Variants in NOP58 observed in about 807,000 individuals in gnomAD.
NOP58 encodes the protein nucleolar protein 58.
Under a neutral mutation model 71.2 loss-of-function variants are expected in NOP58, and 44 were observed. The observed-to-expected ratio is 0.62, with a 90% confidence interval of 0.49 to 0.79. NOP58 has a LOEUF of 0.79. Among genes scored for constraint, NOP58 ranks in the 30% least tolerant of loss-of-function variants. The pLI is 0.00. For synonymous variants in NOP58, 228 were observed against 200.3 expected (o/e 1.14, Z -1.17); for missense variants, 538 against 620.2 (o/e 0.87, Z 1.41).
At chr2:202,272,638 A>G (rs1334992303) in intron 1 of NOP58, among the ~76,000 whole-genome samples, 4 of 152,216 alleles carry the variant, frequency 2.6e-5, no homozygotes, top group Non-Finnish European at 1.5e-5. Flanking sequence ...CACCTCACCA[A>G]GTCTCATGAC....
chr2:202,297,319 C>T, intron 10 of NOP58, 60 bp from the exon 11 acceptor site: 1 of 1,447,928 alleles, frequency 6.9e-7, no homozygotes, highest in Non-Finnish European at 9.5e-7. Flanking sequence ...TTAAAACATC[C>T]AAGTTATTGA....
Position 202,300,246 on chromosome 2 carries a change from T to G in NOP58, c.1281T>G (p.Thr427=). The change falls in exon 13 of 15, where the codon ACT becomes ACG. Residue 427 remains threonine (T), a synonymous_variant. Coordinates refer to ENST00000264279, the MANE Select transcript of NOP58 (RefSeq NM_015934.5). Reference sequence around the variant, plus strand: ...TTGGGTCTTTCAGTGAAGTGAAGACTTACGATCCTTCTGGTGACTCCACAC... The same window carrying G: ...TTGGGTCTTTCAGTGAAGTGAAGACGTACGATCCTTCTGGTGACTCCACAC... ...EKYEHKSEVK[T]YDPSGDSTLP... The G allele has an allele frequency of 6.3e-7, 1 of 1,587,262 alleles. No individual in the cohort carries two copies.
At chr2:202,297,675 G>T (rs1166952910) in intron 11 of NOP58, among the ~76,000 whole-genome samples, 162 bp downstream of exon 11, 1 of 152,144 alleles carries the variant, frequency 6.6e-6, no homozygotes, top group Non-Finnish European at 1.5e-5. Context: ...TATTTACCAA[G>T]AATTGATGTA....
At chr2:202,276,409 A>G (rs1178356676) in intron 2 of NOP58, 2 of 491,202 alleles carry the variant, frequency 4.1e-6, no homozygotes, top group South Asian at 1.5e-5. Flanking sequence ...AAAGGGTTAT[A>G]TGCTTTGTTG....
rs1349406081 is a variant in NOP58, at chr2:202,303,392, G to A, written c.1546G>A (p.Glu516Lys). 1.2e-6 allele frequency: 2 copies of A among 1,611,998 alleles called. No homozygotes were observed. Among genetic ancestry groups the A allele is most frequent in the Non-Finnish European group, 1.7e-6 (2 of 1,178,980 alleles). The change falls in exon 15 of 15, where the codon GAG becomes AAG. Residue 516 changes from glutamate to lysine, a missense_variant. Transcript: ENST00000264279. Reference protein sequence around the residue: ...PCTSTAIASPEKKKKKKKKRE... With the variant: ...PCTSTAIASPKKKKKKKKKRE... ...TCTTGTTGGCTATTTTCAGAGTCCA[G>A]AGAAAAAGAAGAAAAAGAAAAAAAA...
intron 13 of NOP58, 87 bp from the exon 14 acceptor site, chr2:202,302,832 CAG>C (rs1689116394): frequency 6.7e-7 from 1 of 1,489,556 alleles, no homozygotes; most frequent in African/African-American, 1.4e-5. Context: ...ATGAGAATGA[CAG>C]AAAAAAACTA....
chr2:202,276,228 C>G (rs182198734), intron 2 of NOP58, among the ~76,000 whole-genome samples: 16 of 151,668 alleles, frequency 1.1e-4, no homozygotes, highest in Admixed American at 9.9e-4. Flanking sequence ...ATCCCAGCTA[C>G]TGGGAGGAAG....
intron 10 of NOP58, among the ~76,000 whole-genome samples, chr2:202,296,246 A>G (rs1421167911): frequency 6.6e-6 from 1 of 152,118 alleles, no homozygotes; most frequent in Non-Finnish European, 1.5e-5. Flanking sequence ...GCCAGGCTAG[A>G]GTGCAGTGGC....
At position 202,290,457 on chromosome 2, in the gene NOP58, GGTGA is replaced by G; in HGVS notation, c.634+3_634+6del. ...ATACTGCAAGTGTTTACAGAAAGTT[GGTGA>G]GTAATTTGTTCATCCTTTAAGGCAT... On this transcript the variant is annotated splice_donor_variant and splice_donor_region_variant and intron_variant, in intron 7 of 14. Transcript: ENST00000264279. LOFTEE classifies it high-confidence loss of function. The G allele has an allele frequency of 6.2e-7, 1 of 1,606,346 alleles. No homozygotes were observed. The highest frequency in any genetic ancestry group is 8.5e-7 in the Non-Finnish European group (1 of 1,177,276).
chr2:202,303,285 C>T, intron 14 of NOP58, 101 bp from the exon 15 acceptor site: 1 of 1,535,194 alleles, frequency 6.5e-7, no homozygotes. Context: ...ATGATTTGCT[C>T]AAGCTTACTT....
Position 202,290,327 on chromosome 2 carries a change from G to C in NOP58, c.504G>C (p.Leu168Phe). Residue 168 changes from leucine (L) to phenylalanine (F), a missense_variant, in exon 7 of 15, where the codon TTG becomes TTC. Transcript: ENST00000264279. Reference sequence around the variant, plus strand: ...TTTGTTTTTAATCTACTACAGCCTTGTTAGATGACTTGGATAAAGAACTAA... The same window carrying C: ...TTTGTTTTTAATCTACTACAGCCTTCTTAGATGACTTGGATAAAGAACTAA... ...VDTMIVQAISLLDDLDKELNN... is the reference protein window; with the variant it reads ...VDTMIVQAISFLDDLDKELNN... 6.2e-7 allele frequency: 1 copy of C among 1,600,594 alleles called. No individual in the cohort carries two copies. The highest frequency in any genetic ancestry group is 8.5e-7 in the Non-Finnish European group (1 of 1,173,102).
At chr2:202,279,872 C>G (rs1294399164) in intron 3 of NOP58, among the ~76,000 whole-genome samples, 1 of 152,160 alleles carries the variant, frequency 6.6e-6, no homozygotes, top group Non-Finnish European at 1.5e-5. Context: ...TCAATTCCCC[C>G]CAGTCTAAGC....
At chr2:202,300,125 A>G (rs1487498256) in intron 12 of NOP58, 109 bp from the exon 13 acceptor site, 4 of 925,308 alleles carry the variant, frequency 4.3e-6, no homozygotes, top group Non-Finnish European at 1.7e-6. Context: ...ATGAAACAAC[A>G]TTGTGTGCTT....
At position 202,299,753 on chromosome 2, in the gene NOP58, T is replaced by G. The variant is rs527364177; in HGVS notation, c.1269-481T>G. Reference sequence around the variant, plus strand: ...AAATGTTGGGTTCTATGGAATCTTTTCCATGTGCATGTATTTGTATCCTTT... The same window carrying G: ...AAATGTTGGGTTCTATGGAATCTTTGCCATGTGCATGTATTTGTATCCTTT... On this transcript the variant is annotated intron_variant, in intron 12 of 14. Transcript: ENST00000264279. 2.0e-5 allele frequency: 3 copies of G among 152,452 alleles called. No homozygotes were observed. In the East Asian group the frequency reaches 5.8e-4, roughly 29 times the overall value. 9.4% of individuals were successfully genotyped at this position (152,452 alleles called of 1,614,324 possible). A position where few individuals can be genotyped will look rare whatever the true frequency, so the allele number is the denominator to read the frequency against.
chr2:202,285,772 C>A (rs931402454), intron 5 of NOP58, among the ~76,000 whole-genome samples: 3 of 152,160 alleles, frequency 2.0e-5, no homozygotes, highest in African/African-American at 2.4e-5. Flanking sequence ...CTACAGTTAA[C>A]AGGGTTGTGA....
chr2:202,282,330 G>C, intron 3 of NOP58, 21 bp from the exon 4 acceptor site: 2 of 1,585,878 alleles, frequency 1.3e-6, no homozygotes, highest in Non-Finnish European at 1.7e-6. Context: ...TAATGCTTTT[G>C]TTTTTCTTTT....
At chr2:202,287,193 C>T (rs1394967024) in intron 5 of NOP58, among the ~76,000 whole-genome samples, 2 of 151,792 alleles carry the variant, frequency 1.3e-5, no homozygotes, top group Non-Finnish European at 2.9e-5. Context: ...CCTCAGCCTC[C>T]AGAGTAGCTG....
intron 5 of NOP58, 47 bp downstream of exon 5, chr2:202,284,528 C>G: frequency 6.3e-7 from 1 of 1,592,344 alleles, no homozygotes; most frequent in South Asian, 1.1e-5. Flanking sequence ...ATTTGATAAG[C>G]GCTTAACATA....
chr2:202,302,809 C>T (rs1156456893), intron 13 of NOP58, 112 bp from the exon 14 acceptor site: 2 of 1,386,840 alleles, frequency 1.4e-6, no homozygotes, highest in Admixed American at 2.4e-5. Context: ...ACAAAACAAA[C>T]ATTGGGTAGT....
Sources: gnomAD v4.1 joint callset for allele counts (sites outside exome capture counted in the v4.1 genomes callset) on GRCh38, gnomAD v4.1.1 for gene constraint, MANE v1.5 for transcripts, NCBI Gene and HGNC (gene_info 2026-07-23, HGNC 2026-07-21) for gene names.